Variants in NUP42 observed in about 807,000 individuals in gnomAD.
NUP42 encodes nucleoporin 42, also known as nucleoporin NUP42.
NUP42 carries 47 observed loss-of-function variants against 35.9 expected under a neutral mutation model. The observed-to-expected ratio is 1.31, with a 90% CI of 1.04 to 1.67. The LOEUF is 1.67. Among genes scored for constraint, NUP42 ranks in the 40% most tolerant of loss-of-function variants. The probability of loss-of-function intolerance (pLI) is 0.00; values close to 1 mark genes in which losing one functional copy is unlikely to be tolerated. For missense variants in NUP42, 514 were observed against 492.2 expected, an observed-to-expected ratio of 1.04 and a Z score of -0.42; for synonymous variants, 173 against 173.3, an observed-to-expected ratio of 1.00 and a Z score of 0.01.
chr7:23,192,928 A>G (rs1785853468), intron 3 of NUP42, among the ~76,000 whole-genome samples: 2 of 152,214 alleles, frequency 1.3e-5, no homozygotes, highest in Admixed American at 6.5e-5. Context: ...GGTGAGTGTT[A>G]CAGTTCTTAA....
intron 3 of NUP42, among the ~76,000 whole-genome samples, chr7:23,191,330 G>A (rs975167482): frequency 1.3e-5 from 2 of 152,162 alleles, no homozygotes; most frequent in African/African-American, 2.4e-5. Flanking sequence ...TGGGAGCCGT[G>A]GCAAAAGTAG....
Position 23,188,019 on chromosome 7 carries a change from T to A in NUP42, c.445+873T>A, listed in dbSNP as rs148198893. ...TTTTTTATTTTTTATTTTTATTTTT[T>A]TTTTTGTCCATAGTCCCTAAGCCCT... On this transcript the variant is annotated intron_variant, in intron 3 of 6. Transcript: ENST00000258742. 4.6e-3 allele frequency: 5,496 copies of A among 1,186,828 alleles called. 282 individuals carry two copies. In the Admixed American group the frequency reaches 0.09, roughly 20 times the overall value. 73.5% of individuals were successfully genotyped at this position (1,186,828 alleles called of 1,614,324 possible). A position where few individuals can be genotyped will look rare whatever the true frequency, so the allele number is the denominator to read the frequency against.
At position 23,200,213 on chromosome 7, in the gene NUP42, G is replaced by A; in HGVS notation, c.740G>A (p.Ser247Asn). The A allele has an allele frequency of 1.9e-6, 3 of 1,603,550 alleles. No individual in the cohort carries two copies. The South Asian group carries it at 3.3e-5, about 18-fold the overall frequency. ...AGCAGTGATAATGCTCAGAACTTTAGTTTTAAAACAAACTCTGGATTTGCT... is the reference window on the plus strand; with the variant it reads ...AGCAGTGATAATGCTCAGAACTTTAATTTTAAAACAAACTCTGGATTTGCT... ...NSSSDNAQNFSFKTNSGFAAA... is the reference protein window; with the variant it reads ...NSSSDNAQNFNFKTNSGFAAA... Residue 247 changes from serine to asparagine, a missense_variant, in exon 7 of 7, where the codon AGT (serine) becomes AAT (asparagine). Coordinates refer to ENST00000258742, the MANE Select transcript of NUP42 (RefSeq NM_007342.3).
intron 3 of NUP42, among the ~76,000 whole-genome samples, chr7:23,193,056 G>C (rs1437141669): frequency 6.6e-6 from 1 of 152,092 alleles, no homozygotes; most frequent in Non-Finnish European, 1.5e-5. Context: ...TTCGCGGTGA[G>C]TGTTACGGCT....
rs1438727263 is a variant in NUP42 at position 23,187,074 on chromosome 7, G to T, written c.373G>T (p.Glu125Ter). The change falls in exon 3 of 7, where the codon GAG (glutamate) becomes TAG (stop). Residue 125 changes from glutamate (E) to a stop codon, truncating the protein, a stop_gained. Transcript: ENST00000258742. LOFTEE classifies it high-confidence loss of function. ...KLLEGIVKDM[E>*]VWESSGQWMF... ...CAGGGAAGGAATTGTAAAAGATATG[G>T]AGGTTTGGGAATCATCAGGGCAGTG... The T allele has an allele frequency of 6.3e-7, 1 of 1,599,064 alleles. No individual in the cohort carries two copies. The highest frequency in any genetic ancestry group is 1.2e-5 in the South Asian group (1 of 86,900).
intron 5 of NUP42, 166 bp from the exon 6 acceptor site, chr7:23,199,292 T>G: frequency 1.7e-6 from 1 of 576,074 alleles, no homozygotes; most frequent in Non-Finnish European, 3.1e-6. Context: ...GCTCAAGCCC[T>G]TCACCCTCCT....
chr7:23,200,236 G>T lies in NUP42; in HGVS notation c.763G>T (p.Ala255Ser). 6.2e-7 allele frequency: 1 copy of T among 1,603,588 alleles called. No individual in the cohort carries two copies. Among genetic ancestry groups the T allele is most frequent in the Non-Finnish European group, 8.5e-7 (1 of 1,173,552 alleles). The change falls in exon 7 of 7, where the codon GCT (alanine) becomes TCT (serine). Residue 255 changes from alanine to serine, a missense_variant. Transcript: ENST00000258742. Reference sequence around the variant, plus strand: ...TAGTTTTAAAACAAACTCTGGATTTGCTGCTGCCTCTTCTGGAAGCCCTGC... The same window carrying T: ...TAGTTTTAAAACAAACTCTGGATTTTCTGCTGCCTCTTCTGGAAGCCCTGC... ...NFSFKTNSGF[A>S]AASSGSPAGF...
intron 1 of NUP42, chr7:23,182,520 T>C (rs1246225510): frequency 1.8e-6 from 2 of 1,092,572 alleles, no homozygotes; most frequent in Non-Finnish European, 1.1e-6. Flanking sequence ...TAATTTTTAC[T>C]AAGTTGTTTT....
rs1163505908 is a variant in NUP42 at position 23,199,551 on chromosome 7, T to C, written c.694+9T>C. ...AACATTTATGTCGCCAGGTAAGTGA[T>C]AAAGTAATGCAGGACTTCACTGATT... On this transcript the variant is annotated intron_variant, in intron 6 of 6. Transcript: ENST00000258742. 1.2e-6 allele frequency: 2 copies of C among 1,606,740 alleles called. No homozygotes were observed. Among genetic ancestry groups the C allele is most frequent in the East Asian group, 4.5e-5 (2 of 44,852 alleles).
rs940963165 is a variant in NUP42 at position 23,182,337 on chromosome 7, G to A, written c.121+131G>A. On this transcript the variant is annotated intron_variant, in intron 1 of 6. Transcript: ENST00000258742. ...CGTCGCGGCCTTGCCGGCCCTACTG[G>A]GCCCTGCACAACGTTTTTAAACCGA... 2.7e-6 allele frequency: 4 copies of A among 1,459,638 alleles called. No homozygotes were observed. The East Asian group carries it at 9.9e-5, about 36-fold the overall frequency. 90.4% of individuals were successfully genotyped at this position (1,459,638 alleles called of 1,614,324 possible).
At chr7:23,183,485 T>A (rs1785485452) in intron 1 of NUP42, among the ~76,000 whole-genome samples, 1 of 152,194 alleles carries the variant, frequency 6.6e-6, no homozygotes, top group African/African-American at 2.4e-5. Context: ...TCTTTCAAAG[T>A]GCTGGGATTA....
chr7:23,185,229 G>C lies in NUP42; in HGVS notation c.281G>C (p.Gly94Ala), dbSNP rs144835773. Residue 94 changes from glycine (G) to alanine (A), a missense_variant, in exon 2 of 7, where the codon GGC becomes GCC. Transcript: ENST00000258742. ...GGAGCTTCAACTAACAGGAAGGAAG[G>C]CTTTGGATTGTCTGAGAACCCATTT... Reference protein sequence around the residue: ...DSGASTNRKEGFGLSENPFAS... With the variant: ...DSGASTNRKEAFGLSENPFAS... 1 of 1,613,970 alleles carries C rather than the reference G, an allele frequency of 6.2e-7. No individual in the cohort carries two copies. The highest frequency in any genetic ancestry group is 1.3e-5 in the African/African-American group (1 of 74,884).
Position 23,196,750 on chromosome 7 carries a change from C to T in NUP42, c.593C>T (p.Ser198Leu). ...AATGAACTGAAAAGTCTAAATATAT[C>T]AACTAAAGTAGCTTTGGTGAGTATG... ...RVNELKSLNI[S>L]TKVALLSDVK... Residue 198 changes from serine (S) to leucine (L), a missense_variant, in exon 5 of 7, where the codon TCA (serine) becomes TTA (leucine). Transcript: ENST00000258742. 1 of 1,606,322 alleles carries T rather than the reference C, an allele frequency of 6.2e-7. No individual in the cohort carries two copies. Among genetic ancestry groups the T allele is most frequent in the Non-Finnish European group, 8.5e-7 (1 of 1,173,246 alleles).
chr7:23,199,198 C>T (rs1220004442), intron 5 of NUP42, among the ~76,000 whole-genome samples: 1 of 152,058 alleles, frequency 6.6e-6, no homozygotes. Flanking sequence ...CCACCTCAGG[C>T]TCCCAAATAG....
rs777456077 is a variant in NUP42 at position 23,195,834 on chromosome 7, T to C, written c.446-5T>C. ...TTAAAGATTCCGATTGATTCCTCAC[T>C]TCAGGTTTTACAGACATTTCACCAG... On this transcript the variant is annotated splice_polypyrimidine_tract_variant and splice_region_variant and intron_variant, in intron 3 of 6. Transcript: ENST00000258742. 1.5e-5 allele frequency: 23 copies of C among 1,585,926 alleles called. No homozygotes were observed. The highest frequency in any genetic ancestry group is 1.7e-4 in the Middle Eastern group (1 of 6,008).
chr7:23,182,451 G>T, intron 1 of NUP42: 1 of 1,321,910 alleles, frequency 7.6e-7, no homozygotes, highest in Non-Finnish European at 9.7e-7. Flanking sequence ...GCGAAACTGA[G>T]TTTTTAAATC....
intron 2 of NUP42, among the ~76,000 whole-genome samples, chr7:23,186,286 G>A (rs1785593150): frequency 6.6e-6 from 1 of 152,200 alleles, no homozygotes; most frequent in Non-Finnish European, 1.5e-5. Context: ...AGAACCAGTT[G>A]TAGACATGTT....
intron 3 of NUP42, among the ~76,000 whole-genome samples, chr7:23,187,599 CTTTT>C (rs11446033): frequency 9.4e-5 from 8 of 84,828 alleles, no homozygotes; most frequent in Non-Finnish European, 1.5e-4. Flanking sequence ...GGGATAGCAA[CTTTT>C]TTTTTTTTTT....
intron 3 of NUP42, among the ~76,000 whole-genome samples, chr7:23,189,928 A>T (rs979135981): frequency 3.3e-5 from 5 of 151,550 alleles, no homozygotes; most frequent in Admixed American, 6.6e-5. Flanking sequence ...AAAAAAAAAA[A>T]ATTTTTTTGA....
Sources: gnomAD v4.1 joint callset for allele counts (sites outside exome capture counted in the v4.1 genomes callset) on GRCh38, gnomAD v4.1.1 for gene constraint, MANE v1.5 for transcripts, NCBI Gene and HGNC (gene_info 2026-07-23, HGNC 2026-07-21) for gene names.